Variants in CAMK1D observed in about 807,000 individuals in gnomAD.
The protein encoded by CAMK1D is calcium/calmodulin-dependent protein kinase type 1D.
Under a neutral mutation model 47.7 loss-of-function variants are expected in CAMK1D, and 9 were observed. That is an observed-to-expected ratio of 0.19 (90% CI 0.11 to 0.33). The LOEUF (loss-of-function observed/expected upper bound fraction) is 0.33, where lower values mean the gene tolerates loss of function less well. Among genes scored for constraint, CAMK1D ranks in the 10% least tolerant of loss-of-function variants. The pLI is 1.00. For synonymous variants in CAMK1D, 184 were observed against 184.9 expected, an observed-to-expected ratio of 0.99 and a Z score of 0.04; for missense variants, 291 against 488.7, an observed-to-expected ratio of 0.60 and a Z score of 3.81.
intron 1 of CAMK1D, among the ~76,000 whole-genome samples, chr10:12,514,031 C>T (rs1000982411): frequency 2.0e-5 from 3 of 152,206 alleles, no homozygotes; most frequent in African/African-American, 7.2e-5. Flanking sequence ...ATGCCATCTG[C>T]ACACAGGCAT....
At chr10:12,606,247 C>T (rs1245117213) in intron 2 of CAMK1D, among the ~76,000 whole-genome samples, 2 of 152,188 alleles carry the variant, frequency 1.3e-5, no homozygotes, top group Non-Finnish European at 2.9e-5. Context: ...CTGCTCTGCC[C>T]CATGGGCCCC....
chr10:12,428,234 C>T (rs1486448832), intron 1 of CAMK1D, among the ~76,000 whole-genome samples: 7 of 152,052 alleles, frequency 4.6e-5, no homozygotes, highest in Admixed American at 4.6e-4. Context: ...CATGTGTTCT[C>T]ATTTGAACTT....
intron 5 of CAMK1D, among the ~76,000 whole-genome samples, chr10:12,790,602 C>T (rs1280123251): frequency 8.1e-6 from 1 of 124,086 alleles, no homozygotes; most frequent in African/African-American, 3.0e-5. Flanking sequence ...TCACATCTCA[C>T]ACACACACAC....
At chr10:12,506,272 T>C (rs1435135047) in intron 1 of CAMK1D, among the ~76,000 whole-genome samples, 1 of 151,938 alleles carries the variant, frequency 6.6e-6, no homozygotes, top group Non-Finnish European at 1.5e-5. Context: ...ACACAAAAAC[T>C]AGCCGAGTGG....
chr10:12,542,240 T>C (rs1263847871), intron 1 of CAMK1D, among the ~76,000 whole-genome samples: 1 of 152,128 alleles, frequency 6.6e-6, no homozygotes, highest in African/African-American at 2.4e-5. Flanking sequence ...GAAAATAATA[T>C]GCTTAGTAGA....
chr10:12,457,129 G>A (rs933597241), intron 1 of CAMK1D, among the ~76,000 whole-genome samples: 7 of 152,034 alleles, frequency 4.6e-5, no homozygotes, highest in Non-Finnish European at 7.4e-5. Flanking sequence ...GGTGGCTCAC[G>A]CCTGTAATCC....
At chr10:12,387,451 A>ATTTTATATATTATATATATTT (rs1238631974) in intron 1 of CAMK1D, among the ~76,000 whole-genome samples, 1 of 122,080 alleles carries the variant, frequency 8.2e-6, no homozygotes, top group Non-Finnish European at 1.7e-5. Context: ...TATTTTATAT[A>ATTTTATATATTATATATATTT]TATATATATA....
At chr10:12,548,510 G>A (rs1164470059) in intron 1 of CAMK1D, among the ~76,000 whole-genome samples, 1 of 144,386 alleles carries the variant, frequency 6.9e-6, no homozygotes, top group Non-Finnish European at 1.5e-5. Context: ...TATGGCCCAG[G>A]CTGAAGTACA....
chr10:12,581,559 T>C (rs1379911032), intron 2 of CAMK1D, among the ~76,000 whole-genome samples: 1 of 152,228 alleles, frequency 6.6e-6, no homozygotes, highest in South Asian at 2.1e-4. Context: ...TACTGTTTTT[T>C]GATTTTTTGA....
At chr10:12,428,740 A>C (rs1413348849) in intron 1 of CAMK1D, among the ~76,000 whole-genome samples, 1 of 152,154 alleles carries the variant, frequency 6.6e-6, no homozygotes, top group Non-Finnish European at 1.5e-5. Context: ...TTCTCTGTTG[A>C]AATTCTCACT....
At chr10:12,818,757 G>C (rs1832905459) in intron 8 of CAMK1D, among the ~76,000 whole-genome samples, 1 of 152,110 alleles carries the variant, frequency 6.6e-6, no homozygotes, top group Non-Finnish European at 1.5e-5. Flanking sequence ...AAAACTATCT[G>C]ATTCCAAAAT....
chr10:12,484,681 T>C (rs535984815), intron 1 of CAMK1D, among the ~76,000 whole-genome samples: 1 of 152,174 alleles, frequency 6.6e-6, no homozygotes, highest in African/African-American at 2.4e-5. Context: ...TGGCCTCAGA[T>C]GTGGAAAGTG....
intron 2 of CAMK1D, among the ~76,000 whole-genome samples, chr10:12,646,890 G>T (rs959867409): frequency 6.6e-6 from 1 of 152,028 alleles, no homozygotes; most frequent in Non-Finnish European, 1.5e-5. Flanking sequence ...CACCCAGGCT[G>T]GAGTGCAGTG....
In CAMK1D at chr10:12,747,263, C is replaced by G. The variant is rs977273577; in HGVS notation, c.300-13685C>G. On this transcript the variant is annotated intron_variant, in intron 3 of 10. Transcript: ENST00000619168. ...GCCAGAATGGTCTTGATCTCCTGAC[C>G]TCATGTTCCACCCGCCTCAGCCTCC... 2.0e-5 allele frequency among the ~76,000 whole-genome samples: 3 copies of G among 152,080 alleles called. No homozygotes were observed. The East Asian group carries it at 5.8e-4, about 29-fold the overall frequency.
intron 1 of CAMK1D, among the ~76,000 whole-genome samples, chr10:12,431,083 T>A (rs1832458427): frequency 6.6e-6 from 1 of 152,266 alleles, no homozygotes; most frequent in Non-Finnish European, 1.5e-5. Context: ...CTATTGTTTT[T>A]ATTTTTTATA....
intron 3 of CAMK1D, among the ~76,000 whole-genome samples, chr10:12,702,081 G>T (rs907957129): frequency 1.3e-5 from 2 of 152,222 alleles, no homozygotes; most frequent in Non-Finnish European, 2.9e-5. Context: ...GGACGCACAG[G>T]GCAGGGAGTG....
chr10:12,545,990 T>C (rs1253427236), intron 1 of CAMK1D, among the ~76,000 whole-genome samples: 1 of 152,102 alleles, frequency 6.6e-6, no homozygotes, highest in Non-Finnish European at 1.5e-5. Flanking sequence ...CGTGGAGTGT[T>C]TGTACTGGGG....
chr10:12,590,036 C>T (rs914566546), intron 2 of CAMK1D, among the ~76,000 whole-genome samples: 2 of 152,128 alleles, frequency 1.3e-5, no homozygotes, highest in African/African-American at 4.8e-5. Context: ...AAAACACAAC[C>T]GCAAGCTGAT....
chr10:12,816,386 C>T (rs1004904507), intron 8 of CAMK1D, 58 bp downstream of exon 8: 34 of 1,349,746 alleles, frequency 2.5e-5, no homozygotes, highest in Admixed American at 7.7e-5. Flanking sequence ...GGGGGGGGCA[C>T]GAAACTTCCT....
Sources: gnomAD v4.1 joint callset for allele counts (sites outside exome capture counted in the v4.1 genomes callset) on GRCh38, gnomAD v4.1.1 for gene constraint, MANE v1.5 for transcripts, NCBI Gene and HGNC (gene_info 2026-07-23, HGNC 2026-07-21) for gene names.